The following TSPEAR variants were observed in gnomAD, a reference collection of about 807,000 sequenced individuals.
The protein encoded by TSPEAR is thrombospondin-type laminin G domain and EAR repeat-containing protein.
A neutral mutation model predicts 71.6 loss-of-function variants in TSPEAR; 69 were observed. That is an observed-to-expected ratio of 0.96 (90% confidence interval 0.79 to 1.18). The LOEUF is 1.18. Among genes scored for constraint, TSPEAR ranks in the 50% most tolerant of loss-of-function variants. The probability of loss-of-function intolerance (pLI) is 0.00; values close to 1 mark genes in which losing one functional copy is unlikely to be tolerated. For synonymous variants in TSPEAR, 402 were observed against 387.2 expected (o/e 1.04, Z -0.45); for missense variants, 971 against 894.9 (o/e 1.09, Z -1.09).
intron 1 of TSPEAR, among the ~76,000 whole-genome samples, chr21:44,633,761 T>A (rs1555936128): frequency 6.6e-6 from 1 of 152,232 alleles, no homozygotes; most frequent in Non-Finnish European, 1.5e-5. Flanking sequence ...AGTTCTCTAT[T>A]TCGTTATTGA....
chr21:44,682,409 C>T (rs1367621105), intron 1 of TSPEAR, among the ~76,000 whole-genome samples: 1 of 152,356 alleles, frequency 6.6e-6, no homozygotes, highest in Non-Finnish European at 1.5e-5. Context: ...GCAGTTTTAG[C>T]TCCACCTGCC....
chr21:44,532,044 G>A (rs1432247352), intron 3 of TSPEAR, among the ~76,000 whole-genome samples: 2 of 152,204 alleles, frequency 1.3e-5, no homozygotes, highest in Non-Finnish European at 1.5e-5. Context: ...AGAAAGCCCC[G>A]TCCTCTGCAC....
chr21:44,560,411 A>G (rs1555920830), intron 2 of TSPEAR, among the ~76,000 whole-genome samples: 1 of 152,198 alleles, frequency 6.6e-6, no homozygotes, highest in East Asian at 1.9e-4. Context: ...TGCTGTCAAT[A>G]TTAGACAGAT....
chr21:44,615,923 C>T (rs2226687), intron 1 of TSPEAR, among the ~76,000 whole-genome samples: 7,916 of 152,272 alleles, frequency 0.052, 303 homozygotes, highest in East Asian at 0.2. Context: ...AAGGAAAACA[C>T]GCCCATGAGA....
chr21:44,579,166 C>A (rs1601439620), intron 1 of TSPEAR, among the ~76,000 whole-genome samples: 1 of 152,136 alleles, frequency 6.6e-6, no homozygotes, highest in Non-Finnish European at 1.5e-5. Context: ...GCAGGGTGGG[C>A]TCTCCCAGGT....
intron 1 of TSPEAR, among the ~76,000 whole-genome samples, chr21:44,588,818 T>A (rs1172503946): frequency 4.0e-5 from 6 of 151,018 alleles, no homozygotes; most frequent in African/African-American, 9.7e-5. Context: ...TACTACTCAG[T>A]AATAAAAAGA....
intron 2 of TSPEAR, among the ~76,000 whole-genome samples, chr21:44,548,814 G>T (rs2053347936): frequency 6.6e-6 from 1 of 152,126 alleles, no homozygotes; most frequent in Admixed American, 6.5e-5. Flanking sequence ...GTATCTCTAA[G>T]AATTTTAAAT....
chr21:44,551,476 G>T, intron 2 of TSPEAR: 2 of 1,580,036 alleles, frequency 1.3e-6, no homozygotes, highest in Non-Finnish European at 1.7e-6. Context: ...TGGGGAGGAG[G>T]TGAGCTGGGG....
At chr21:44,563,766 G>T (rs1390702173) in intron 2 of TSPEAR, among the ~76,000 whole-genome samples, 1 of 152,298 alleles carries the variant, frequency 6.6e-6, no homozygotes, top group African/African-American at 2.4e-5. Flanking sequence ...ACAGAGTTTG[G>T]TTCTTGTAAT....
intron 1 of TSPEAR, among the ~76,000 whole-genome samples, chr21:44,657,026 C>T (rs782659786): frequency 2.4e-4 from 37 of 152,114 alleles, no homozygotes; most frequent in Non-Finnish European, 4.7e-4. Flanking sequence ...CATGGCCCAA[C>T]ACCCAGAGTA....
At chr21:44,679,480 A>C (rs112998652) in intron 1 of TSPEAR, among the ~76,000 whole-genome samples, 2,062 of 152,334 alleles carry the variant, frequency 0.014, 45 homozygotes, top group African/African-American at 0.047. Context: ...ATCCAAAGCA[A>C]TCAACAGACT....
At chr21:44,563,780 C>G (rs2053669780) in intron 2 of TSPEAR, among the ~76,000 whole-genome samples, 1 of 152,204 alleles carries the variant, frequency 6.6e-6, no homozygotes, top group Non-Finnish European at 1.5e-5. Flanking sequence ...TTGTAATCCT[C>G]TGGTCGCAGT....
At chr21:44,673,834 A>G (rs188853829) in intron 1 of TSPEAR, among the ~76,000 whole-genome samples, 18 of 152,330 alleles carry the variant, frequency 1.2e-4, no homozygotes, top group Admixed American at 9.8e-4. Context: ...AAATATGTGG[A>G]AATTGAACAA....
At chr21:44,701,814 G>T (rs533855241) in intron 1 of TSPEAR, among the ~76,000 whole-genome samples, 1 of 151,538 alleles carries the variant, frequency 6.6e-6, no homozygotes, top group African/African-American at 2.4e-5. Flanking sequence ...ACAGGCCACG[G>T]CTGTAGTGGT....
At chr21:44,694,957 C>G (rs1019103073) in intron 1 of TSPEAR, among the ~76,000 whole-genome samples, 1 of 152,224 alleles carries the variant, frequency 6.6e-6, no homozygotes, top group Non-Finnish European at 1.5e-5. Context: ...TCACACAGAG[C>G]ATGGAGGGTC....
intron 1 of TSPEAR, chr21:44,702,888 C>T (rs111665302): frequency 1.8e-5 from 12 of 671,888 alleles, no homozygotes; most frequent in African/African-American, 1.4e-4. Flanking sequence ...TAGTACACAC[C>T]GCACTGGTAC....
At chr21:44,592,876 C>T (rs984434034) in intron 1 of TSPEAR, among the ~76,000 whole-genome samples, 9 of 152,270 alleles carry the variant, frequency 5.9e-5, no homozygotes, top group East Asian at 3.9e-4. Context: ...CCTCATCCAG[C>T]GTGGTCCTTC....
rs587680357 is a variant in TSPEAR at position 44,509,448 on chromosome 21, C to T, written c.1567-62G>A. 857 of 812,654 alleles carry T rather than the reference C, an allele frequency of 1.1e-3. 4 individuals carry two copies. In the African/African-American group the frequency reaches 0.018, roughly 17 times the overall value. The allele number at this position is 812,654 out of a possible 1,614,324, so 50.3% of individuals were successfully genotyped here. ...GAGCGGGCGCAGAGGTGTGGGGGAG[C>T]GGGCGCAGAGGTGTGGGGGAGCGGG... On this transcript the variant is annotated intron_variant, in intron 9 of 11. Coordinates refer to ENST00000323084, the MANE Select transcript of TSPEAR (RefSeq NM_144991.3).
chr21:44,711,524 G>A lies in TSPEAR; in HGVS notation c.-10C>T, dbSNP rs782582804. On this transcript the variant is annotated 5_prime_UTR_variant, in exon 1 of 12. It introduces an in-frame stop codon into an upstream open reading frame of the 5' UTR. Coordinates refer to ENST00000323084, the MANE Select transcript of TSPEAR (RefSeq NM_144991.3). This position sits in a 1 kb window ranked among gnomAD's most constrained non-coding sequence, Gnocchi z 4.5. ...TCAGCAGGGCAGACATGAGGGGCTT[G>A]GGTGCCAAGCTCCATCCAGGGCTCC... 1.9e-6 allele frequency: 3 copies of A among 1,609,036 alleles called. No homozygotes were observed. The highest frequency in any genetic ancestry group is 2.5e-6 in the Non-Finnish European group (3 of 1,178,148).
Sources: gnomAD v4.1 joint callset for allele counts (sites outside exome capture counted in the v4.1 genomes callset) on GRCh38, gnomAD v4.1.1 for gene constraint, Gnocchi (gnomAD v3.1) non-coding constraint, MANE v1.5 for transcripts, NCBI Gene and HGNC (gene_info 2026-07-23, HGNC 2026-07-21) for gene names.